The following RANBP17 variants were observed in gnomAD, a reference collection of about 807,000 sequenced individuals.
RANBP17 encodes RAN binding protein 17, also known as ran-binding protein 17.
A neutral mutation model predicts 141.2 loss-of-function variants in RANBP17; 158 were observed. That is an observed-to-expected ratio of 1.12 (90% CI 0.98 to 1.28). The LOEUF is 1.28. Ranked by LOEUF, RANBP17 falls within the 50% of genes most tolerant of loss-of-function variation. The pLI is 0.00. For missense variants in RANBP17, 1,438 were observed against 1,290.7 expected (o/e 1.11, Z -1.75); for synonymous variants, 430 against 450.0 (o/e 0.96, Z 0.56).
intron 25 of RANBP17, among the ~76,000 whole-genome samples, chr5:171,288,273 T>A (rs1289283545): frequency 6.6e-6 from 1 of 152,156 alleles, no homozygotes; most frequent in African/African-American, 2.4e-5. Context: ...ACCACAAGAA[T>A]TTCAGTGGTG....
chr5:171,175,555 A>C (rs1453870413), intron 16 of RANBP17, among the ~76,000 whole-genome samples: 4 of 152,210 alleles, frequency 2.6e-5, no homozygotes, highest in African/African-American at 9.6e-5. Context: ...GCTAATATCC[A>C]GAATCTACAA....
chr5:170,963,763 A>G (rs766699891), intron 13 of RANBP17, among the ~76,000 whole-genome samples: 2 of 152,222 alleles, frequency 1.3e-5, no homozygotes, highest in African/African-American at 2.4e-5. Flanking sequence ...CCTGGTTCCT[A>G]ACAGGCCACA....
At chr5:171,284,541 G>A (rs1472442395) in intron 25 of RANBP17, 1 of 152,060 alleles carries the variant, frequency 6.6e-6, no homozygotes, top group Non-Finnish European at 1.5e-5. Flanking sequence ...TCCCAGGCTG[G>A]TCTCGAACTC....
chr5:170,911,205 G>T, intron 7 of RANBP17, 71 bp downstream of exon 7: 1 of 1,367,596 alleles, frequency 7.3e-7, no homozygotes. Flanking sequence ...GTTTCTGTAT[G>T]TATAGTTATC....
intron 24 of RANBP17, among the ~76,000 whole-genome samples, chr5:171,247,305 T>C (rs556500339): frequency 2.6e-5 from 4 of 152,282 alleles, no homozygotes; most frequent in African/African-American, 9.6e-5. Flanking sequence ...CAGATTCACA[T>C]TGTAACCACT....
intron 14 of RANBP17, among the ~76,000 whole-genome samples, chr5:170,983,924 A>G (rs74925222): frequency 0.026 from 4,025 of 152,232 alleles, 160 homozygotes; most frequent in African/African-American, 0.091. Flanking sequence ...TGCTTGTTCT[A>G]GGAGGTAGAA....
intron 14 of RANBP17, among the ~76,000 whole-genome samples, chr5:171,115,211 G>T (rs377184648): frequency 9.2e-5 from 14 of 152,020 alleles, no homozygotes; most frequent in East Asian, 7.7e-4. Context: ...CATCTTTTTT[G>T]TTCTTGATGA....
chr5:170,897,169 TGATACTTATG>T, intron 5 of RANBP17: 1 of 776,736 alleles, frequency 1.3e-6, no homozygotes, highest in Non-Finnish European at 2.2e-6. Flanking sequence ...AGCTCATCAC[TGATACTTATG>T]GCTCCGGAAA....
chr5:171,106,758 G>A (rs550644937), intron 14 of RANBP17, among the ~76,000 whole-genome samples: 1 of 152,168 alleles, frequency 6.6e-6, no homozygotes, highest in Admixed American at 6.5e-5. Context: ...CTGTGGATTT[G>A]CTGTAAAATG....
chr5:170,949,926 G>T (rs906878259), intron 12 of RANBP17, among the ~76,000 whole-genome samples: 2 of 152,070 alleles, frequency 1.3e-5, no homozygotes, highest in African/African-American at 4.8e-5. Flanking sequence ...GAACAGAATA[G>T]AAAACCCATA....
intron 11 of RANBP17, among the ~76,000 whole-genome samples, chr5:170,921,584 T>G (rs1220628620): frequency 1.3e-5 from 2 of 152,198 alleles, no homozygotes; most frequent in Non-Finnish European, 2.9e-5. Context: ...CTTTTTTGGT[T>G]CCATATGAAC....
At chr5:171,233,837 A>T (rs1173041930) in intron 22 of RANBP17, among the ~76,000 whole-genome samples, 1 of 152,210 alleles carries the variant, frequency 6.6e-6, no homozygotes, top group African/African-American at 2.4e-5. Context: ...CATTTGTCCA[A>T]ACCCATAAAA....
intron 24 of RANBP17, among the ~76,000 whole-genome samples, chr5:171,245,060 C>T (rs1477884034): frequency 1.3e-4 from 19 of 151,760 alleles, no homozygotes; most frequent in African/African-American, 4.1e-4. Flanking sequence ...ACCTGGGAGG[C>T]GGAGCTTGCA....
chr5:171,204,673 C>G (rs1243731245), intron 19 of RANBP17, among the ~76,000 whole-genome samples: 1 of 152,184 alleles, frequency 6.6e-6, no homozygotes, highest in Non-Finnish European at 1.5e-5. Context: ...TCCCAAGCAT[C>G]AACCTAAGGA....
chr5:170,986,073 C>T (rs1210169365), intron 14 of RANBP17, among the ~76,000 whole-genome samples: 2 of 152,058 alleles, frequency 1.3e-5, no homozygotes, highest in African/African-American at 2.4e-5. Context: ...CCTGAGATTT[C>T]CCCAGCTCAC....
chr5:170,994,418 T>A lies in RANBP17; in HGVS notation c.1710+26041T>A, dbSNP rs192754034. Among the ~76,000 whole-genome samples the A allele has an allele frequency of 1.0e-3, 158 of 152,218 alleles. 1 individual carries two copies. The highest frequency in any genetic ancestry group is 1.9e-3 in the Non-Finnish European group (127 of 67,984). On this transcript the variant is annotated intron_variant, in intron 14 of 27. Coordinates refer to ENST00000523189, the MANE Select transcript of RANBP17 (RefSeq NM_022897.5). ...TAAAACACAGATTCTTAGACTTCTG[T>A]AAATTTTAATTTGTAGGGATGAGGT...
chr5:171,026,867 G>A (rs544742352), intron 14 of RANBP17, among the ~76,000 whole-genome samples: 475 of 152,302 alleles, frequency 3.1e-3, no homozygotes, highest in Non-Finnish European at 5.1e-3. Context: ...GTTGGTACTG[G>A]TTTGTGACCT....
At chr5:170,924,621 T>G (rs1346558920) in intron 12 of RANBP17, 71 bp downstream of exon 12, 5 of 995,284 alleles carry the variant, frequency 5.0e-6, no homozygotes, top group East Asian at 2.5e-5. Flanking sequence ...ACTTTAATAG[T>G]TTTACTGCAA....
chr5:170,866,007 A>T (rs1767227110), intron 1 of RANBP17, among the ~76,000 whole-genome samples: 2 of 152,170 alleles, frequency 1.3e-5, no homozygotes, highest in South Asian at 4.1e-4. Context: ...AGACTTCATT[A>T]TACAGGGTTT....
Sources: allele counts gnomAD v4.1 joint callset (sites outside exome capture counted in the v4.1 genomes callset), GRCh38; gene constraint gnomAD v4.1.1; transcripts MANE v1.5; gene names NCBI Gene and HGNC (gene_info 2026-07-23, HGNC 2026-07-21).